The following NUCKS1 variants were observed in gnomAD, a reference collection of about 807,000 sequenced individuals.
The protein encoded by NUCKS1 is nuclear ubiquitous casein and cyclin-dependent kinase substrate 1.
Under a neutral mutation model 33.0 loss-of-function variants are expected in NUCKS1, and 2 were observed. That is an observed-to-expected ratio of 0.06 (90% confidence interval 0.02 to 0.19). The LOEUF is 0.19. Ranked by LOEUF, NUCKS1 falls within the 10% of genes least tolerant of loss-of-function variation. NUCKS1 has a pLI of 1.00. For missense variants in NUCKS1, 201 were observed against 293.6 expected (o/e 0.68, Z 2.31); for synonymous variants, 106 against 102.8 (o/e 1.03, Z -0.19).
intron 1 of NUCKS1, among the ~76,000 whole-genome samples, chr1:205,732,958 AAAT>A (rs1450327030): frequency 1.3e-5 from 2 of 152,116 alleles, no homozygotes; most frequent in Admixed American, 1.3e-4. Flanking sequence ...ATGCCATGAA[AAAT>A]AGTATGATGA....
intron 1 of NUCKS1, among the ~76,000 whole-genome samples, chr1:205,733,158 T>C (rs1653957120): frequency 6.6e-6 from 1 of 152,148 alleles, no homozygotes; most frequent in African/African-American, 2.4e-5. Context: ...AACTAACATA[T>C]TATTACCCCA....
intron 1 of NUCKS1, among the ~76,000 whole-genome samples, chr1:205,733,847 C>G (rs1225082918): frequency 1.3e-5 from 2 of 152,026 alleles, no homozygotes; most frequent in Non-Finnish European, 2.9e-5. Flanking sequence ...ACAGACCTAC[C>G]TACCTATCTT....
rs754139115 is a variant in NUCKS1 at position 205,714,549 on chromosome 1, T to C, written c.*3731A>G. On this transcript the variant is annotated 3_prime_UTR_variant, in exon 7 of 7. Transcript: ENST00000367142. Reference sequence around the variant, plus strand: ...TCAGGATTCAAAAAGAATCATTTTGTATCGAATTTACCCCAGACAAAGGGA... The same window carrying C: ...TCAGGATTCAAAAAGAATCATTTTGCATCGAATTTACCCCAGACAAAGGGA... The C allele has an allele frequency of 2.0e-4, 30 of 152,330 alleles. No homozygotes were observed. The highest frequency in any genetic ancestry group is 3.4e-3 in the Middle Eastern group (1 of 294). 9.4% of individuals were successfully genotyped at this position (152,330 alleles called of 1,614,324 possible).
rs374167912 is a variant in NUCKS1 at position 205,717,805 on chromosome 1, C to T, written c.*475G>A. On this transcript the variant is annotated 3_prime_UTR_variant, in exon 7 of 7. Transcript: ENST00000367142. ...AGATGACAATTGATTTTTTAAAAGT[C>T]CAGGTAGAGAAAGGAGCAATCATTT... 1.2e-5 allele frequency: 12 copies of T among 984,868 alleles called. No homozygotes were observed. In the East Asian group the frequency reaches 4.5e-4, roughly 37 times the overall value. The allele number at this position is 984,868 out of a possible 1,614,324, so 61.0% of individuals were successfully genotyped here.
At chr1:205,735,781 G>C (rs1654019267) in intron 1 of NUCKS1, among the ~76,000 whole-genome samples, 1 of 152,146 alleles carries the variant, frequency 6.6e-6, no homozygotes, top group African/African-American at 2.4e-5. Flanking sequence ...GTTCCACCCA[G>C]AATACCACTG....
chr1:205,720,497 A>T lies in NUCKS1; in HGVS notation c.382+4T>A. On this transcript the variant is annotated splice_donor_region_variant and intron_variant, in intron 5 of 6. Coordinates refer to ENST00000367142, the MANE Select transcript of NUCKS1 (RefSeq NM_022731.5). Reference sequence around the variant, plus strand: ...ACCAAAGTACACAAAACAACTTCACATACTCTCCTGGAATGGTGCCTCATC... The same window carrying T: ...ACCAAAGTACACAAAACAACTTCACTTACTCTCCTGGAATGGTGCCTCATC... 1 of 1,608,262 alleles carries T rather than the reference A, an allele frequency of 6.2e-7. No homozygotes were observed. The highest frequency in any genetic ancestry group is 8.5e-7 in the Non-Finnish European group (1 of 1,178,470).
At chr1:205,732,388 T>C (rs1025230091) in intron 1 of NUCKS1, among the ~76,000 whole-genome samples, 1 of 152,010 alleles carries the variant, frequency 6.6e-6, no homozygotes, top group Admixed American at 6.6e-5. Flanking sequence ...AGAGTGGGGA[T>C]GAGGAGCTGT....
intron 1 of NUCKS1, among the ~76,000 whole-genome samples, chr1:205,744,365 G>A (rs767269260): frequency 5.3e-5 from 8 of 152,142 alleles, no homozygotes; most frequent in Non-Finnish European, 2.9e-5. Context: ...TTTAAGAGTT[G>A]TGCATGATTT....
intron 1 of NUCKS1, among the ~76,000 whole-genome samples, chr1:205,736,048 C>CTCAAGCAA (rs1157295597): frequency 6.6e-6 from 1 of 151,982 alleles, no homozygotes; most frequent in Non-Finnish European, 1.5e-5. Context: ...AACTCCTGGA[C>CTCAAGCAA]TCAAGCAATT....
intron 1 of NUCKS1, among the ~76,000 whole-genome samples, chr1:205,735,160 T>C (rs959309408): frequency 9.9e-5 from 15 of 152,214 alleles, no homozygotes; most frequent in African/African-American, 3.6e-4. Context: ...AATACAATCA[T>C]GTGCTGCATG....
In NUCKS1 at chr1:205,718,111, G is replaced by A; in HGVS notation, c.*169C>T. The A allele has an allele frequency of 8.2e-7, 1 of 1,216,988 alleles. No homozygotes were observed. The highest frequency in any genetic ancestry group is 1.0e-6 in the Non-Finnish European group (1 of 977,278). The allele number at this position is 1,216,988 out of a possible 1,614,324, so 75.4% of individuals were successfully genotyped here. ...AAAAAAAAAAAAAAAAAAAGAGAGA[G>A]AGAGAGAAATGTTACTTTCAACAAA... On this transcript the variant is annotated 3_prime_UTR_variant, in exon 7 of 7. Coordinates refer to ENST00000367142, the MANE Select transcript of NUCKS1 (RefSeq NM_022731.5).
chr1:205,734,106 T>C (rs1219539313), intron 1 of NUCKS1, among the ~76,000 whole-genome samples: 1 of 152,084 alleles, frequency 6.6e-6, no homozygotes, highest in African/African-American at 2.4e-5. Context: ...CTCAAACTCC[T>C]GGCCTCAAGC....
chr1:205,749,977 C>G lies in NUCKS1; in HGVS notation c.-4G>C. Reference sequence around the variant, plus strand: ...CTGACCTGACAGGCCGCGACATGTTCGCTGTCGAAACAGGACCGAGTCGAG... The same window carrying G: ...CTGACCTGACAGGCCGCGACATGTTGGCTGTCGAAACAGGACCGAGTCGAG... On this transcript the variant is annotated 5_prime_UTR_variant, in exon 1 of 7. Coordinates refer to ENST00000367142, the MANE Select transcript of NUCKS1 (RefSeq NM_022731.5). 7 of 1,602,894 alleles carry G rather than the reference C, an allele frequency of 4.4e-6. No homozygotes were observed. Among genetic ancestry groups the G allele is most frequent in the Middle Eastern group, 1.7e-4 (1 of 5,978 alleles).
Position 205,750,018 on chromosome 1 carries a change from A to ACCCCCCCCCCCCC in NUCKS1, c.-46_-45insGGGGGGGGGGGGG, listed in dbSNP as rs751390674. 2.1e-6 allele frequency: 2 copies of ACCCCCCCCCCCCC among 964,232 alleles called. No individual in the cohort carries two copies. Among genetic ancestry groups the ACCCCCCCCCCCCC allele is most frequent in the South Asian group, 1.4e-5 (1 of 72,916 alleles). 59.7% of individuals were successfully genotyped at this position (964,232 alleles called of 1,614,324 possible). On this transcript the variant is annotated 5_prime_UTR_variant, in exon 1 of 7. Coordinates refer to ENST00000367142, the MANE Select transcript of NUCKS1 (RefSeq NM_022731.5). The stretch of plus-strand genomic sequence containing the variant: ...CCGAGTCGAGAAGCCAAAGACCAGG[A>ACCCCCCCCCCCCC]CCCCCCCCACCCCGCGCGCTCGGCG...
At chr1:205,723,407 T>C (rs1490058907) in intron 4 of NUCKS1, among the ~76,000 whole-genome samples, 1 of 152,186 alleles carries the variant, frequency 6.6e-6, no homozygotes, top group Non-Finnish European at 1.5e-5. Flanking sequence ...CATTAATTCA[T>C]ATTAATTTAA....
In NUCKS1 at chr1:205,715,222, ATT is replaced by A. The variant is rs1671802592; in HGVS notation, c.*3056_*3057del. On this transcript the variant is annotated 3_prime_UTR_variant, in exon 7 of 7. Coordinates refer to ENST00000367142, the MANE Select transcript of NUCKS1 (RefSeq NM_022731.5). ...AAAATGCTATTTGAGCCAGTACCAA[ATT>A]AAGTATTAAAATGAGGATTGAACTG... The A allele has an allele frequency of 6.6e-6, 1 of 152,234 alleles. No individual in the cohort carries two copies. The highest frequency in any genetic ancestry group is 1.5e-5 in the Non-Finnish European group (1 of 68,038). 9.4% of individuals were successfully genotyped at this position (152,234 alleles called of 1,614,324 possible). A position where few individuals can be genotyped will look rare whatever the true frequency, so the allele number is the denominator to read the frequency against.
intron 1 of NUCKS1, among the ~76,000 whole-genome samples, chr1:205,749,687 C>T (rs1339885828): frequency 1.3e-5 from 2 of 151,980 alleles, no homozygotes; most frequent in Non-Finnish European, 2.9e-5. Context: ...GACACCCCGC[C>T]CGCTCTAGTG....
intron 1 of NUCKS1, among the ~76,000 whole-genome samples, chr1:205,733,134 G>A (rs1341387814): frequency 6.6e-6 from 1 of 152,164 alleles, no homozygotes; most frequent in African/African-American, 2.4e-5. Context: ...CTTATCCCAT[G>A]CTTGTGGGGT....
intron 1 of NUCKS1, among the ~76,000 whole-genome samples, chr1:205,743,821 CAGTG>C (rs1346358047): frequency 6.6e-6 from 1 of 152,154 alleles, no homozygotes; most frequent in Admixed American, 6.5e-5. Flanking sequence ...CTACTGATGA[CAGTG>C]AGTTAGTGTA....
Sources: gnomAD v4.1 joint callset for allele counts (sites outside exome capture counted in the v4.1 genomes callset) on GRCh38, gnomAD v4.1.1 for gene constraint, MANE v1.5 for transcripts, NCBI Gene and HGNC (gene_info 2026-07-23, HGNC 2026-07-21) for gene names.